Variants in AFF4 observed in about 807,000 individuals in gnomAD.
AFF4 encodes the protein ALF transcription elongation factor 4, also known as AF4/FMR2 family member 4.
A neutral mutation model predicts 124.8 loss-of-function variants in AFF4; 13 were observed. That is an observed-to-expected ratio of 0.10 (90% CI 0.07 to 0.17). The LOEUF is 0.17. AFF4 is among the 10% of genes least tolerant of loss of function. The pLI is 1.00. For missense variants in AFF4, 1,092 were observed against 1,403.8 expected (o/e 0.78, Z 3.55); for synonymous variants, 477 against 496.1 (o/e 0.96, Z 0.51).
chr5:132,927,759 T>A (rs1761212150), intron 4 of AFF4, among the ~76,000 whole-genome samples: 1 of 152,232 alleles, frequency 6.6e-6, no homozygotes, highest in Non-Finnish European at 1.5e-5. Flanking sequence ...TCCTCAAAAG[T>A]CTGGCTATAG....
At chr5:132,909,004 C>A (rs1383215660) in intron 5 of AFF4, among the ~76,000 whole-genome samples, 1 of 151,414 alleles carries the variant, frequency 6.6e-6, no homozygotes, top group African/African-American at 2.4e-5. Flanking sequence ...CTCCTGACCT[C>A]GTGATCCACC....
chr5:132,885,992 T>G (rs1218443762), intron 18 of AFF4, among the ~76,000 whole-genome samples: 2 of 152,134 alleles, frequency 1.3e-5, no homozygotes, highest in African/African-American at 4.8e-5. Context: ...CAAGATGGTC[T>G]CAATCTCTTG....
At chr5:132,886,144 C>T (rs927385288) in intron 18 of AFF4, among the ~76,000 whole-genome samples, 166 bp downstream of exon 18, 2 of 152,114 alleles carry the variant, frequency 1.3e-5, no homozygotes, top group African/African-American at 2.4e-5. Context: ...ATCAGATACA[C>T]GTAGATTAAA....
At chr5:132,909,257 A>G (rs1375435228) in intron 5 of AFF4, among the ~76,000 whole-genome samples, 1 of 147,462 alleles carries the variant, frequency 6.8e-6, no homozygotes, top group African/African-American at 2.5e-5. Context: ...ATGACTCTCC[A>G]GCTCAGCCTC....
At chr5:132,888,205 A>G (rs1216774730) in intron 14 of AFF4, 45 bp from the exon 15 acceptor site, 4 of 1,440,678 alleles carry the variant, frequency 2.8e-6, no homozygotes, top group South Asian at 1.2e-5. Flanking sequence ...AAATATTTTC[A>G]TAATACTAGT....
At chr5:132,959,183 T>C (rs1293658289) in intron 1 of AFF4, among the ~76,000 whole-genome samples, 1 of 150,758 alleles carries the variant, frequency 6.6e-6, no homozygotes, top group African/African-American at 2.4e-5. Context: ...TGGAGTGCAG[T>C]GGTGCGATCT....
chr5:132,921,736 G>C (rs562285303), intron 5 of AFF4, among the ~76,000 whole-genome samples: 1 of 152,088 alleles, frequency 6.6e-6, no homozygotes, highest in Admixed American at 6.5e-5. Flanking sequence ...AAAGTGCTGG[G>C]ATTACAGGCG....
chr5:132,899,578 T>C lies in AFF4; in HGVS notation c.1188+9A>G. 6.2e-7 allele frequency: 1 copy of C among 1,608,508 alleles called. No individual in the cohort carries two copies. The highest frequency in any genetic ancestry group is 8.5e-7 in the Non-Finnish European group (1 of 1,176,698). On this transcript the variant is annotated intron_variant, in intron 8 of 20. Transcript: ENST00000265343. ...TGAGACTGGCAAAATAATACAATAGTAGACACACCTGTTCCCCATCACTGT... is the reference window on the plus strand; with the variant it reads ...TGAGACTGGCAAAATAATACAATAGCAGACACACCTGTTCCCCATCACTGT...
At chr5:132,900,354 C>T (rs565508694) in intron 7 of AFF4, among the ~76,000 whole-genome samples, 10 of 152,238 alleles carry the variant, frequency 6.6e-5, no homozygotes, top group Admixed American at 4.6e-4. Flanking sequence ...GTCATGAGTT[C>T]GAGACCAGCC....
At chr5:132,961,618 T>C (rs1376630382) in intron 1 of AFF4, among the ~76,000 whole-genome samples, 2 of 152,122 alleles carry the variant, frequency 1.3e-5, no homozygotes, top group Non-Finnish European at 2.9e-5. Context: ...AAGTAGAAAG[T>C]GACTCAGAAC....
chr5:132,962,821 G>A (rs1017306042), intron 1 of AFF4, among the ~76,000 whole-genome samples: 1 of 105,206 alleles, frequency 9.5e-6, no homozygotes, highest in Non-Finnish European at 2.0e-5. Context: ...TTTTTTTTTT[G>A]CGGGGGTGGG....
At chr5:132,945,080 C>A (rs568740346) in intron 1 of AFF4, 31 of 188,388 alleles carry the variant, frequency 1.6e-4, no homozygotes, top group African/African-American at 6.8e-4. Context: ...CCACCCCAGT[C>A]TCAATCAATG....
Position 132,895,060 on chromosome 5 carries a change from C to G in AFF4, c.2307+1263G>C, listed in dbSNP as rs1189099576. Among the ~76,000 whole-genome samples, 3 of 152,266 alleles carry G rather than the reference C, an allele frequency of 2.0e-5. No homozygotes were observed. In the East Asian group the frequency reaches 5.8e-4, roughly 29 times the overall value. ...AAAAAAGTCCTAGCTTCCAAAAGAG[C>G]AGAGTCTATCATACACAAGCTCTTA... On this transcript the variant is annotated intron_variant, in intron 11 of 20. Coordinates refer to ENST00000265343, the MANE Select transcript of AFF4 (RefSeq NM_014423.4).
intron 5 of AFF4, among the ~76,000 whole-genome samples, chr5:132,905,048 CAAAA>C (rs66981854): frequency 8.4e-6 from 1 of 118,358 alleles, no homozygotes. Context: ...GACTCCATCT[CAAAA>C]AAAAAAAAAA....
chr5:132,959,988 C>A (rs1247964149), intron 1 of AFF4, among the ~76,000 whole-genome samples: 1 of 151,984 alleles, frequency 6.6e-6, no homozygotes, highest in South Asian at 2.1e-4. Context: ...ATCTCCTGAC[C>A]TCGTGATCCG....
Position 132,934,729 on chromosome 5 carries a change from T to G in AFF4, c.336A>C (p.Gly112=). The change falls in exon 3 of 21, where the codon GGA becomes GGC. Residue 112 remains glycine, a synonymous_variant. Coordinates refer to ENST00000265343, the MANE Select transcript of AFF4 (RefSeq NM_014423.4). The stretch of plus-strand genomic sequence containing the variant: ...GAGACTGAGAAGTGCTGGGTGCGGG[T>G]CCTACTGGAGTCCATTTGCTACTCT... ...SHQSSKWTPV[G]PAPSTSQSQK... is the part of the protein sequence containing the mutation. The G allele has an allele frequency of 6.2e-7, 1 of 1,614,134 alleles. No homozygotes were observed. The highest frequency in any genetic ancestry group is 8.5e-7 in the Non-Finnish European group (1 of 1,180,004).
rs1057053527 is a variant in AFF4, at chr5:132,963,464, C to T, written c.-210G>A. 7 of 398,150 alleles carry T rather than the reference C, an allele frequency of 1.8e-5. No individual in the cohort carries two copies. The highest frequency in any genetic ancestry group is 4.1e-5 in the African/African-American group (2 of 48,584). The allele number at this position is 398,150 out of a possible 1,614,324, so 24.7% of individuals were successfully genotyped here. A position where few individuals can be genotyped will look rare whatever the true frequency, so the allele number is the denominator to read the frequency against. ...CGGCGGCGGCGGCAGCGATGCGCCT[C>T]ACACGGAACAGGCGTAGGCCCCGCA... is the stretch of plus-strand genomic sequence containing the variant. On this transcript the variant is annotated 5_prime_UTR_variant, in exon 1 of 21. An upstream open reading frame in the 5' UTR loses its in-frame stop. Transcript: ENST00000265343.
At chr5:132,950,451 C>T (rs1420426702) in intron 1 of AFF4, among the ~76,000 whole-genome samples, 1 of 151,890 alleles carries the variant, frequency 6.6e-6, no homozygotes, top group South Asian at 2.1e-4. Flanking sequence ...CTAGCCTGGG[C>T]AATAAGAGCG....
chr5:132,897,709 TAA>T (rs35269196), intron 10 of AFF4, among the ~76,000 whole-genome samples: 112 of 144,522 alleles, frequency 7.7e-4, no homozygotes, highest in Non-Finnish European at 9.1e-4. Context: ...GACTCCATCT[TAA>T]AAAAAAAAAA....
Sources: gnomAD v4.1 joint callset for allele counts (sites outside exome capture counted in the v4.1 genomes callset) on GRCh38, gnomAD v4.1.1 for gene constraint, MANE v1.5 for transcripts, NCBI Gene and HGNC (gene_info 2026-07-23, HGNC 2026-07-21) for gene names.